GGTLC2: variants seen among roughly 807,000 people sequenced by gnomAD.
The protein encoded by GGTLC2 is gamma-glutamyltransferase light chain 2.
GGTLC2 carries 13 observed loss-of-function variants against 20.2 expected under a neutral mutation model. That is an observed-to-expected ratio of 0.64 (90% CI 0.42 to 1.02). The LOEUF is 1.02. GGTLC2 is among the 50% of genes least tolerant of loss of function. The probability of loss-of-function intolerance (pLI) is 0.00; values close to 1 mark genes in which losing one functional copy is unlikely to be tolerated. For synonymous variants in GGTLC2, 89 were observed against 125.5 expected (o/e 0.71, Z 1.94); for missense variants, 202 against 301.3 (o/e 0.67, Z 2.44).
chr22:22,646,867 A>G lies in GGTLC2; in HGVS notation c.290A>G (p.Asn97Ser), dbSNP rs766065846. Residue 97 changes from asparagine (N) to serine (S), a missense_variant, in exon 3 of 6, where the codon AAT becomes AGT. Coordinates refer to ENST00000448514, the MANE Select transcript of GGTLC2 (RefSeq NM_199127.3). ...NEFGVPPSPA[N>S]FIQPGKQPLS... ...TTTGGGGTGCCCCCCTCACCTGCCA[A>G]TTTCATCCAGCCAGGTATGGGGTGG... The G allele has an allele frequency of 6.5e-5, 100 of 1,547,160 alleles. No homozygotes were observed. The highest frequency in any genetic ancestry group is 1.0e-4 in the Admixed American group (6 of 57,450).
rs371822009 is a variant in GGTLC2 at position 22,645,518 on chromosome 22, G to A, written c.-34-794G>A. Among the ~76,000 whole-genome samples the A allele has an allele frequency of 5.4e-3, 809 of 150,244 alleles. 3 individuals are homozygous for A. The highest frequency in any genetic ancestry group is 0.013 in the South Asian group (58 of 4,608). Reference sequence around the variant, plus strand: ...TGCAGGGTTTACCTCGCTAGTCGGCGCCATCCTTGATTCTTCTCTTTCTCC... The same window carrying A: ...TGCAGGGTTTACCTCGCTAGTCGGCACCATCCTTGATTCTTCTCTTTCTCC... On this transcript the variant is annotated intron_variant, in intron 1 of 5. Coordinates refer to ENST00000448514, the MANE Select transcript of GGTLC2 (RefSeq NM_199127.3).
At chr22:22,647,553 T>C (rs1355600808) in intron 5 of GGTLC2, 42 bp from the exon 6 acceptor site, 4 of 1,602,928 alleles carry the variant, frequency 2.5e-6, no homozygotes, top group East Asian at 4.5e-5. Context: ...TCAGGTGGCA[T>C]CTGGAGCCCT....
intron 2 of GGTLC2, 23 bp downstream of exon 2, chr22:22,646,544 G>A (rs1454416282): frequency 6.6e-7 from 1 of 1,512,116 alleles, no homozygotes; most frequent in Admixed American, 2.0e-5. Context: ...GGGCCGCCTG[G>A]GTGGGAAAGG....
At chr22:22,645,384 C>T (rs1197015269) in intron 1 of GGTLC2, among the ~76,000 whole-genome samples, 9 of 148,854 alleles carry the variant, frequency 6.0e-5, no homozygotes, top group Non-Finnish European at 8.9e-5. Context: ...CGCCCTTGCC[C>T]GTGAACCCAT....
Position 22,646,810 on chromosome 22 carries a change from A to G in GGTLC2, c.233A>G (p.Asp78Gly). The G allele has an allele frequency of 1.9e-6, 3 of 1,612,150 alleles. No homozygotes were observed. Among genetic ancestry groups the G allele is most frequent in the Non-Finnish European group, 2.5e-6 (3 of 1,179,018 alleles). Reference sequence around the variant, plus strand: ...GAGATCCTGTTCAATGATGAAATGGATGACTTCAGCTCTCCCAACATCACC... The same window carrying G: ...GAGATCCTGTTCAATGATGAAATGGGTGACTTCAGCTCTCCCAACATCACC... ...VSEILFNDEM[D>G]DFSSPNITNE... Residue 78 changes from aspartate (D) to glycine (G), a missense_variant, in exon 3 of 6, where the codon GAT becomes GGT. Around this residue, in one of 4 missense-constraint regions of GGTLC2, gnomAD observed 71 missense variants for 63.0 expected, o/e 1.13. Transcript: ENST00000448514.
At position 22,647,135 on chromosome 22, in the gene GGTLC2, G is replaced by A. The variant is rs1381596360; in HGVS notation, c.361-6G>A. ...TTTTCTCCCTGGCCGTGCCCACCCT[G>A]CACAGCCCCCAAGCCATGCTGATCA... On this transcript the variant is annotated splice_polypyrimidine_tract_variant and splice_region_variant and intron_variant, in intron 4 of 5. Coordinates refer to ENST00000448514, the MANE Select transcript of GGTLC2 (RefSeq NM_199127.3). The A allele has an allele frequency of 6.2e-7, 1 of 1,611,624 alleles. No individual in the cohort carries two copies. Among genetic ancestry groups the A allele is most frequent in the East Asian group, 2.2e-5 (1 of 44,750 alleles).
chr22:22,646,250 C>T lies in GGTLC2; in HGVS notation c.-34-62C>T, dbSNP rs201413006. The T allele has an allele frequency of 5.1e-3, 7,193 of 1,421,574 alleles. 156 individuals carry two copies. Among genetic ancestry groups the T allele is most frequent in the African/African-American group, 0.029 (1,941 of 66,850 alleles). The allele number at this position is 1,421,574 out of a possible 1,614,324, so 88.1% of individuals were successfully genotyped here. Reference sequence around the variant, plus strand: ...GGGTGCCAGAGGGTTGTGGTCAGAGCCACAGTCAGGGGCCTTCTGAGACCT... The same window carrying T: ...GGGTGCCAGAGGGTTGTGGTCAGAGTCACAGTCAGGGGCCTTCTGAGACCT... On this transcript the variant is annotated intron_variant, in intron 1 of 5. Coordinates refer to ENST00000448514, the MANE Select transcript of GGTLC2 (RefSeq NM_199127.3).
chr22:22,644,962 G>A lies in GGTLC2; in HGVS notation c.-35+254G>A, dbSNP rs1372346438. On this transcript the variant is annotated intron_variant, in intron 1 of 5. Coordinates refer to ENST00000448514, the MANE Select transcript of GGTLC2 (RefSeq NM_199127.3). ...CTGGATTCCAGTGGCCTGATCTCTG[G>A]GCTCACCGCAAGCTCCGCCTACCGG... 9.4e-4 allele frequency among the ~76,000 whole-genome samples: 108 copies of A among 114,748 alleles called. 1 individual carries two copies. Among genetic ancestry groups the A allele is most frequent in the South Asian group, 1.5e-3 (4 of 2,680 alleles). 75.3% of individuals were successfully genotyped at this position (114,748 alleles called of 152,430 possible). A position where few individuals can be genotyped will look rare whatever the true frequency, so the allele number is the denominator to read the frequency against.
Position 22,646,980 on chromosome 22 carries a change from C to T in GGTLC2, c.305-3C>T, listed in dbSNP as rs370885799. On this transcript the variant is annotated splice_region_variant and splice_polypyrimidine_tract_variant and intron_variant, in intron 3 of 5. Transcript: ENST00000448514. ...CATCCCTGTCTTCTCCCATCGGCCA[C>T]AGGGAAGCAGCCGCTCTCGTCAATG... The T allele has an allele frequency of 3.5e-4, 564 of 1,611,514 alleles. No homozygotes were observed. Among genetic ancestry groups the T allele is most frequent in the Non-Finnish European group, 4.4e-4 (525 of 1,179,776 alleles).
Position 22,646,437 on chromosome 22 carries a change from C to T in GGTLC2, c.92C>T (p.Thr31Met), listed in dbSNP as rs147760451. Residue 31 changes from threonine to methionine, a missense_variant, in exon 2 of 6, where the codon ACG (threonine) becomes ATG (methionine). Coordinates refer to ENST00000448514, the MANE Select transcript of GGTLC2 (RefSeq NM_199127.3). ...TCCTACTACAAGCCCGAGTTCTACA[C>T]GCCGGTTGATGGGGGCACTGCTCAC... ...PISYYKPEFY[T>M]PVDGGTAHLS... The T allele has an allele frequency of 5.4e-5, 82 of 1,522,780 alleles. 4 individuals are homozygous for T. The highest frequency in any genetic ancestry group is 5.3e-4 in the African/African-American group (39 of 73,988). 94.3% of individuals were successfully genotyped at this position (1,522,780 alleles called of 1,614,324 possible). A position where few individuals can be genotyped will look rare whatever the true frequency, so the allele number is the denominator to read the frequency against.
chr22:22,646,687 A>T (rs1354609066), intron 2 of GGTLC2, 67 bp from the exon 3 acceptor site: 9 of 1,581,738 alleles, frequency 5.7e-6, no homozygotes, highest in Non-Finnish European at 7.7e-6. Context: ...TTTGAGCCTC[A>T]GTGGGTGGAT....
chr22:22,645,637 GA>G (rs1475689234), intron 1 of GGTLC2, among the ~76,000 whole-genome samples: 2 of 150,674 alleles, frequency 1.3e-5, no homozygotes, highest in Admixed American at 1.3e-4. Flanking sequence ...GGGACCCTGT[GA>G]AAACACTCCC....
intron 1 of GGTLC2, among the ~76,000 whole-genome samples, chr22:22,645,918 C>A (rs2064060453): frequency 6.6e-6 from 1 of 151,302 alleles, no homozygotes; most frequent in African/African-American, 2.4e-5. Flanking sequence ...ATACCTCATG[C>A]CTCTTGATTC....
chr22:22,644,888 T>G lies in GGTLC2; in HGVS notation c.-35+180T>G, dbSNP rs111298856. The stretch of plus-strand genomic sequence containing the variant: ...CAACAGAGTCAGACTCTCTCTTTTT[T>G]TTTTTTTTTTTTTTTTTTTTGAGAT... On this transcript the variant is annotated intron_variant, in intron 1 of 5. Coordinates refer to ENST00000448514, the MANE Select transcript of GGTLC2 (RefSeq NM_199127.3). 4.5e-3 allele frequency among the ~76,000 whole-genome samples: 321 copies of G among 70,882 alleles called. 28 individuals carry two copies. The highest frequency in any genetic ancestry group is 0.022 in the African/African-American group (305 of 13,592). 46.5% of individuals were successfully genotyped at this position (70,882 alleles called of 152,430 possible).
At chr22:22,644,878 CTCTCTT>C (rs1232759815) in intron 1 of GGTLC2, among the ~76,000 whole-genome samples, 170 bp downstream of exon 1, 4 of 72,850 alleles carry the variant, frequency 5.5e-5, no homozygotes, top group Non-Finnish European at 7.2e-5. Flanking sequence ...GAGTCAGACT[CTCTCTT>C]TTTTTTTTTT....
chr22:22,647,332 C>G, intron 5 of GGTLC2, 42 bp downstream of exon 5: 4 of 1,607,008 alleles, frequency 2.5e-6, no homozygotes, highest in Non-Finnish European at 2.5e-6. Flanking sequence ...GTGTGGGGCC[C>G]CAGGGCATCC....
intron 1 of GGTLC2, among the ~76,000 whole-genome samples, chr22:22,645,205 C>T (rs2064017368): frequency 6.6e-6 from 1 of 150,482 alleles, no homozygotes; most frequent in Non-Finnish European, 1.5e-5. Context: ...TGAGCCACCG[C>T]GCCCGGTGTT....
Position 22,647,234 on chromosome 22 carries a change from C to G in GGTLC2, c.454C>G (p.Arg152Gly), listed in dbSNP as rs751418418. Residue 152 changes from arginine to glycine, a missense_variant, in exon 5 of 6, where the codon CGG becomes GGG. This residue lies in a region of GGTLC2 where 65 missense variants were observed against 87.5 expected (regional missense o/e 0.74). Transcript: ENST00000448514. ...CGTGAAGCGGGCCGTGGAGGAGCCC[C>G]GGCTGCACAACCAGCTTCTGCCCAA... ...YDVKRAVEEP[R>G]LHNQLLPNVT... The G allele has an allele frequency of 1.2e-6, 2 of 1,611,086 alleles. No individual in the cohort carries two copies. Among genetic ancestry groups the G allele is most frequent in the South Asian group, 1.1e-5 (1 of 90,954 alleles).
intron 1 of GGTLC2, among the ~76,000 whole-genome samples, chr22:22,644,951 C>T (rs1169283344): frequency 8.7e-6 from 1 of 115,504 alleles, no homozygotes; most frequent in African/African-American, 3.6e-5. Context: ...ATTCCAGTGG[C>T]CTGATCTCTG....
Sources: allele counts gnomAD v4.1 joint callset (sites outside exome capture counted in the v4.1 genomes callset), GRCh38; gene constraint gnomAD v4.1.1; regional missense constraint gnomAD v4.1.1; transcripts MANE v1.5; gene names NCBI Gene and HGNC (gene_info 2026-07-23, HGNC 2026-07-21).